The following EVC variants were observed in gnomAD, a reference collection of about 807,000 sequenced individuals.
EVC encodes the protein evC complex member EVC.
EVC carries 116 observed loss-of-function variants against 118.9 expected under a neutral mutation model. That is an observed-to-expected ratio of 0.98 (90% CI 0.84 to 1.14). The LOEUF is 1.14. Among genes scored for constraint, EVC ranks in the 50% most tolerant of loss-of-function variants. The pLI, the probability that EVC is intolerant of heterozygous loss-of-function variation, is 0.00. For synonymous variants in EVC, 619 were observed against 534.7 expected (o/e 1.16, Z -2.18); for missense variants, 1,401 against 1,246.4 (o/e 1.12, Z -1.87).
Position 5,733,364 on chromosome 4 carries a change from C to G in EVC, c.631C>G (p.Leu211Val), listed in dbSNP as rs1242252601. 1 of 1,613,718 alleles carries G rather than the reference C, an allele frequency of 6.2e-7. No individual in the cohort carries two copies. The change falls in exon 5 of 21, where the codon CTG becomes GTG. Residue 211 changes from leucine (L) to valine (V), a missense_variant. Transcript: ENST00000264956. ...TTTATTTTGCAGTGTAGACGTTGAC[C>G]TGTGTATCTACAGCCTTCACTTAAA... ...VLACESVDVD[L>V]CIYSLHLKDL...
At chr4:5,771,447 T>G (rs1429698566) in intron 11 of EVC, among the ~76,000 whole-genome samples, 2 of 152,162 alleles carry the variant, frequency 1.3e-5, no homozygotes, top group Non-Finnish European at 2.9e-5. Flanking sequence ...TCCAGGATCT[T>G]CTTTCCATCT....
At chr4:5,784,696 C>T (rs996020789) in intron 12 of EVC, among the ~76,000 whole-genome samples, 6 of 150,920 alleles carry the variant, frequency 4.0e-5, no homozygotes, top group Non-Finnish European at 5.9e-5. Context: ...CAACCTCCGC[C>T]TCCCAGGTTC....
At chr4:5,819,912 G>C in the EVC span, among the ~76,000 whole-genome samples, 1 of 152,186 alleles carries the variant, frequency 6.6e-6, no homozygotes, top group Admixed American at 6.5e-5. Flanking sequence ...TCCACACGAA[G>C]CCGAGGAGCG....
In EVC at chr4:5,731,783, C is replaced by T. The variant is rs939425489; in HGVS notation, c.617+126C>T. The T allele has an allele frequency of 1.3e-5, 12 of 945,808 alleles. No individual in the cohort carries two copies. Among genetic ancestry groups the T allele is most frequent in the East Asian group, 2.6e-5 (1 of 38,246 alleles). 58.6% of individuals were successfully genotyped at this position (945,808 alleles called of 1,614,324 possible). A position where few individuals can be genotyped will look rare whatever the true frequency, so the allele number is the denominator to read the frequency against. On this transcript the variant is annotated intron_variant, in intron 4 of 20. Coordinates refer to ENST00000264956, the MANE Select transcript of EVC (RefSeq NM_153717.3). The surrounding 1 kb of genome is among the most constrained non-coding windows in gnomAD (Gnocchi z 5.6). ...CAGTGACTCTGCCAGGGACACACAGCGACCCAGCGTCACCATCGGAGCCCC... is the reference window on the plus strand; with the variant it reads ...CAGTGACTCTGCCAGGGACACACAGTGACCCAGCGTCACCATCGGAGCCCC...
intron 18 of EVC, among the ~76,000 whole-genome samples, chr4:5,809,275 T>C (rs1716500908): frequency 6.6e-6 from 1 of 152,208 alleles, no homozygotes; most frequent in Non-Finnish European, 1.5e-5. Context: ...CAGTGTACTC[T>C]GTCAACTGAA....
rs1353195056 is a variant in EVC, at chr4:5,760,006, T to C, written c.1563+3644T>C. ...GAAGACTCCAAGCGGGAAGTGGGCT[T>C]CCAAATCACAGGTAGGCAAGAGATA... On this transcript the variant is annotated intron_variant, in intron 11 of 20. Coordinates refer to ENST00000264956, the MANE Select transcript of EVC (RefSeq NM_153717.3). 2.0e-5 allele frequency among the ~76,000 whole-genome samples: 3 copies of C among 152,044 alleles called. 1 individual carries two copies. Among genetic ancestry groups the C allele is most frequent in the African/African-American group, 7.3e-5 (3 of 41,318 alleles).
Position 5,752,995 on chromosome 4 carries a change from G to T in EVC, c.1258G>T (p.Glu420Ter), listed in dbSNP as rs373502728. 1 of 1,613,174 alleles carries T rather than the reference G, an allele frequency of 6.2e-7. No individual in the cohort carries two copies. The change falls in exon 9 of 21, where the codon GAG (glutamate) becomes TAG (stop). Residue 420 changes from glutamate (E) to a stop codon, truncating the protein, a stop_gained. Coordinates refer to ENST00000264956, the MANE Select transcript of EVC (RefSeq NM_153717.3). LOFTEE classifies it high-confidence loss of function. ...GAAGCTGTCCGGGCGGCAGAAGGAGGAGCTGCTCACGCAGCAGCACAAGGC... is the reference window on the plus strand; with the variant it reads ...GAAGCTGTCCGGGCGGCAGAAGGAGTAGCTGCTCACGCAGCAGCACAAGGC... ...EGKLSGRQKE[E>*]LLTQQHKAFW...
chr4:5,726,008 C>T (rs1560285286), intron 2 of EVC, among the ~76,000 whole-genome samples: 1 of 152,206 alleles, frequency 6.6e-6, no homozygotes, highest in Admixed American at 6.5e-5. Context: ...TCCCGTGTTG[C>T]TCACAGGGCA....
the EVC span, among the ~76,000 whole-genome samples, chr4:5,822,738 A>C: frequency 6.6e-6 from 1 of 152,208 alleles, no homozygotes; most frequent in Admixed American, 6.5e-5. Flanking sequence ...AATCAAAAAG[A>C]GAAAGCAAAT....
At chr4:5,750,633 C>G (rs1442073101) in intron 8 of EVC, among the ~76,000 whole-genome samples, 1 of 152,154 alleles carries the variant, frequency 6.6e-6, no homozygotes, top group East Asian at 1.9e-4. Flanking sequence ...TATGATAGCA[C>G]CTGCTCTCTC....
Position 5,756,192 on chromosome 4 carries a change from G to T in EVC, c.1465-72G>T. On this transcript the variant is annotated intron_variant, in intron 10 of 20. Coordinates refer to ENST00000264956, the MANE Select transcript of EVC (RefSeq NM_153717.3). This position sits in a 1 kb window ranked among gnomAD's most constrained non-coding sequence, Gnocchi z 4.2. Reference sequence around the variant, plus strand: ...CTAACCTGAGATGCAGGGGATGGTTGGAGAACCTTCTGGAAAAAAAAAAAA... The same window carrying T: ...CTAACCTGAGATGCAGGGGATGGTTTGAGAACCTTCTGGAAAAAAAAAAAA... The T allele has an allele frequency of 8.3e-7, 1 of 1,210,252 alleles. No homozygotes were observed. The highest frequency in any genetic ancestry group is 1.2e-6 in the Non-Finnish European group (1 of 840,286). 75.0% of individuals were successfully genotyped at this position (1,210,252 alleles called of 1,614,324 possible).
At chr4:5,810,807 T>G in intron 20 of EVC, 146 bp from the exon 21 acceptor site, 1 of 782,270 alleles carries the variant, frequency 1.3e-6, no homozygotes, top group Non-Finnish European at 2.2e-6. Flanking sequence ...ACGGGTTTTA[T>G]TGGTTTCTTA....
rs2152346560 is a variant in EVC, at chr4:5,798,900, G to C, written c.2304+108G>C. ...CACCGTTCATGGAGCTTGTGGCCTA[G>C]TAGACTTTGCCTGACTTCTCCATGA... On this transcript the variant is annotated intron_variant, in intron 15 of 20. Transcript: ENST00000264956. The surrounding 1 kb of genome is among the most constrained non-coding windows in gnomAD (Gnocchi z 4.1). The C allele has an allele frequency of 7.9e-7, 1 of 1,259,994 alleles. No homozygotes were observed. Among genetic ancestry groups the C allele is most frequent in the Non-Finnish European group, 1.1e-6 (1 of 883,566 alleles). The allele number at this position is 1,259,994 out of a possible 1,614,324, so 78.1% of individuals were successfully genotyped here.
intron 5 of EVC, among the ~76,000 whole-genome samples, chr4:5,735,238 G>T (rs903301126): frequency 2.0e-5 from 3 of 152,224 alleles, no homozygotes; most frequent in Admixed American, 6.5e-5. Context: ...AGCATCATGC[G>T]AGTGTGAAGG....
At chr4:5,807,049 G>T (rs1413297807) in intron 17 of EVC, among the ~76,000 whole-genome samples, 3 of 152,154 alleles carry the variant, frequency 2.0e-5, no homozygotes, top group Non-Finnish European at 4.4e-5. Flanking sequence ...CCTTTAAGGT[G>T]TGAGAGAGGC....
rs749208747 is a variant in EVC, at chr4:5,793,557, T to C, written c.1777-51T>C. 4 of 1,436,468 alleles carry C rather than the reference T, an allele frequency of 2.8e-6. No individual in the cohort carries two copies. The South Asian group carries it at 4.9e-5, about 18-fold the overall frequency. 89.0% of individuals were successfully genotyped at this position (1,436,468 alleles called of 1,614,324 possible). On this transcript the variant is annotated intron_variant, in intron 12 of 20. Coordinates refer to ENST00000264956, the MANE Select transcript of EVC (RefSeq NM_153717.3). ...AATGCACAATCCTAGCAAGCAGGAT[T>C]GTTGAAGTGAGTAACCACATGCCTG...
intron 11 of EVC, 115 bp from the exon 12 acceptor site, chr4:5,783,437 C>T: frequency 2.0e-6 from 2 of 989,160 alleles, no homozygotes; most frequent in Non-Finnish European, 3.2e-6. Flanking sequence ...GAGTTCCTGT[C>T]TGTGGATCTC....
In EVC at chr4:5,738,606, C is replaced by CTT. The variant is rs34739954; in HGVS notation, c.703-3096_703-3095dup. The stretch of plus-strand genomic sequence containing the variant: ...CCCTCCACCAGCTAAAAGATTACAA[C>CTT]TTTTTTTTTTTTTTTAAGACGGAGA... On this transcript the variant is annotated intron_variant, in intron 5 of 20. Transcript: ENST00000264956. The surrounding 1 kb of genome is among the most constrained non-coding windows in gnomAD (Gnocchi z 6.5). Among the ~76,000 whole-genome samples the CTT allele has an allele frequency of 1.4e-5, 2 of 144,196 alleles. No homozygotes were observed. Among genetic ancestry groups the CTT allele is most frequent in the Non-Finnish European group, 1.5e-5 (1 of 65,302 alleles). The allele number at this position is 144,196 out of a possible 152,430, so 94.6% of individuals were successfully genotyped here. A position where few individuals can be genotyped will look rare whatever the true frequency, so the allele number is the denominator to read the frequency against.
the EVC span, chr4:5,824,846 C>T: frequency 1.0e-6 from 1 of 985,372 alleles, no homozygotes; most frequent in Non-Finnish European, 1.2e-6. Context: ...CGTGCCTGCC[C>T]TCATGTGGCC....
Sources: gnomAD v4.1 joint callset for allele counts (sites outside exome capture counted in the v4.1 genomes callset) on GRCh38, gnomAD v4.1.1 for gene constraint, Gnocchi (gnomAD v3.1) non-coding constraint, MANE v1.5 for transcripts, NCBI Gene and HGNC (gene_info 2026-07-23, HGNC 2026-07-21) for gene names.